SRFBP1: variants seen among roughly 807,000 people sequenced by gnomAD.
The protein encoded by SRFBP1 is serum response factor-binding protein 1.
A neutral mutation model predicts 45.5 loss-of-function variants in SRFBP1; 47 were observed. The ratio of observed to expected loss-of-function variants is 1.03; its 90% CI spans 0.82 to 1.32. The LOEUF (loss-of-function observed/expected upper bound fraction) is 1.32, where lower values mean the gene tolerates loss of function less well. Among genes scored for constraint, SRFBP1 ranks in the 40% most tolerant of loss-of-function variants. The probability of loss-of-function intolerance (pLI) is 0.00; values close to 1 mark genes in which losing one functional copy is unlikely to be tolerated. For missense variants in SRFBP1, 621 were observed against 484.6 expected (o/e 1.28, Z -2.64); for synonymous variants, 203 against 166.3 (o/e 1.22, Z -1.70).
At chr5:122,016,904 C>T (rs996907247) in intron 4 of SRFBP1, among the ~76,000 whole-genome samples, 4 of 152,036 alleles carry the variant, frequency 2.6e-5, no homozygotes, top group Non-Finnish European at 5.9e-5. Context: ...CTAAGGCTGC[C>T]ATAACAAAGT....
chr5:122,009,886 C>G (rs1252350643), intron 4 of SRFBP1, among the ~76,000 whole-genome samples: 1 of 152,068 alleles, frequency 6.6e-6, no homozygotes, highest in South Asian at 2.1e-4. Flanking sequence ...TTCCATTTTT[C>G]TTTTAGAAGC....
intron 4 of SRFBP1, among the ~76,000 whole-genome samples, chr5:121,999,360 G>A (rs1200812877): frequency 6.6e-6 from 1 of 151,764 alleles, no homozygotes; most frequent in East Asian, 1.9e-4. Context: ...TCTTTTCAAT[G>A]TTGTACTATT....
At chr5:122,004,393 A>G (rs1752938620) in intron 4 of SRFBP1, among the ~76,000 whole-genome samples, 1 of 151,410 alleles carries the variant, frequency 6.6e-6, no homozygotes, top group African/African-American at 2.4e-5. Flanking sequence ...TCCTTTCCTT[A>G]TTGTATGTTC....
At chr5:122,045,744 G>A (rs1310082459) in intron 2 of SRFBP1, among the ~76,000 whole-genome samples, 1 of 152,096 alleles carries the variant, frequency 6.6e-6, no homozygotes, top group Non-Finnish European at 1.5e-5. Flanking sequence ...ATCATATTGA[G>A]GAGCTTTTGG....
intron 2 of SRFBP1, chr5:122,066,620 A>G (rs1754306085): frequency 2.5e-6 from 2 of 795,620 alleles, no homozygotes; most frequent in Non-Finnish European, 4.1e-6. Context: ...GTCCAAACAA[A>G]AATTCTTTTG....
intron 4 of SRFBP1, among the ~76,000 whole-genome samples, chr5:122,002,946 T>C (rs1678139263): frequency 6.6e-6 from 1 of 152,230 alleles, no homozygotes; most frequent in Non-Finnish European, 1.5e-5. Context: ...TATTAAATTT[T>C]AAGGCATTTT....
chr5:121,965,824 A>T (rs1752052527), intron 1 of SRFBP1, among the ~76,000 whole-genome samples: 1 of 152,218 alleles, frequency 6.6e-6, no homozygotes, highest in South Asian at 2.1e-4. Context: ...ATCTATGAGC[A>T]TGGAATGTTT....
chr5:122,074,321 T>G (rs1306659140), intron 2 of SRFBP1: 2 of 621,440 alleles, frequency 3.2e-6, no homozygotes, highest in African/African-American at 1.8e-5. Context: ...CATGCTAGGG[T>G]TTTTTTTTCC....
At chr5:122,062,031 C>T (rs1040110956) in intron 2 of SRFBP1, among the ~76,000 whole-genome samples, 1 of 151,850 alleles carries the variant, frequency 6.6e-6, no homozygotes, top group Non-Finnish European at 1.5e-5. Flanking sequence ...TTAAAAAAGA[C>T]TCGTGACAAA....
chr5:121,983,588 A>T (rs1318595780), intron 3 of SRFBP1, among the ~76,000 whole-genome samples: 1 of 151,774 alleles, frequency 6.6e-6, no homozygotes, highest in Admixed American at 6.6e-5. Flanking sequence ...ATTTTTTGGT[A>T]AGATGCAGAT....
downstream of SRFBP1, chr5:122,077,547 C>A (rs755071414): frequency 1.9e-6 from 3 of 1,613,422 alleles, no homozygotes; most frequent in Non-Finnish European, 1.7e-6. This position sits in a 1 kb window ranked among gnomAD's most constrained non-coding sequence, Gnocchi z 4.9. Flanking sequence ...TCTCCCGGCG[C>A]TGTCTGGTTC....
downstream of SRFBP1, chr5:122,076,844 C>T: frequency 6.5e-7 from 1 of 1,540,764 alleles, no homozygotes; most frequent in Non-Finnish European, 9.0e-7. Context: ...ACCAGAGCGC[C>T]CCCTGAAGGT....
intron 2 of SRFBP1, among the ~76,000 whole-genome samples, chr5:122,034,763 G>T (rs1412675678): frequency 2.7e-5 from 4 of 150,548 alleles, no homozygotes; most frequent in Admixed American, 2.6e-4. Flanking sequence ...TTATTTTCTA[G>T]CAGATTTCTT....
At chr5:121,979,779 A>G (rs1382946593) in intron 3 of SRFBP1, among the ~76,000 whole-genome samples, 1 of 152,136 alleles carries the variant, frequency 6.6e-6, no homozygotes, top group Admixed American at 6.5e-5. Context: ...GAGTCTCCAA[A>G]TGAGGAAGTC....
intron 2 of SRFBP1, chr5:122,073,964 C>G (rs768160466): frequency 2.6e-6 from 4 of 1,562,754 alleles, no homozygotes; most frequent in Non-Finnish European, 3.5e-6. Flanking sequence ...GGTAGATGAC[C>G]CGTTTCTCTC....
chr5:121,973,615 T>TG (rs751670677), intron 1 of SRFBP1, among the ~76,000 whole-genome samples: 2,209 of 130,928 alleles, frequency 0.017, 18 homozygotes, highest in African/African-American at 0.019. Flanking sequence ...CATGTGTGTG[T>TG]GGGGGGGGGG....
chr5:122,019,994 A>G (rs1035653217), intron 5 of SRFBP1, 94 bp from the exon 6 acceptor site: 3 of 811,508 alleles, frequency 3.7e-6, no homozygotes, highest in Non-Finnish European at 3.6e-6. Context: ...GCCCTCTTAA[A>G]TCTTTTCAAA....
At chr5:121,968,700 T>A (rs75561200) in intron 1 of SRFBP1, among the ~76,000 whole-genome samples, 5,208 of 152,256 alleles carry the variant, frequency 0.034, 300 homozygotes, top group African/African-American at 0.12. Context: ...GGACTTTTGT[T>A]AAAGTACAGC....
chr5:121,971,775 G>A (rs962801845), intron 1 of SRFBP1, among the ~76,000 whole-genome samples: 1 of 151,992 alleles, frequency 6.6e-6, no homozygotes, highest in Non-Finnish European at 1.5e-5. Flanking sequence ...AATAGAGTGA[G>A]TAGAAAGGAA....
Sources: gnomAD v4.1 joint callset for allele counts (sites outside exome capture counted in the v4.1 genomes callset) on GRCh38, gnomAD v4.1.1 for gene constraint, Gnocchi (gnomAD v3.1) non-coding constraint, MANE v1.5 for transcripts, NCBI Gene and HGNC (gene_info 2026-07-23, HGNC 2026-07-21) for gene names.